SIK3: variants seen among roughly 807,000 people sequenced by gnomAD.
The protein encoded by SIK3 is serine/threonine-protein kinase SIK3.
A neutral mutation model predicts 144.2 loss-of-function variants in SIK3; 28 were observed. The observed-to-expected ratio is 0.19, with a 90% confidence interval of 0.14 to 0.27. SIK3 has a LOEUF of 0.27. Among genes scored for constraint, SIK3 ranks in the 10% least tolerant of loss-of-function variants. The pLI is 1.00. For missense variants in SIK3, 1,319 were observed against 1,776.0 expected, an observed-to-expected ratio of 0.74 and a Z score of 4.62; for synonymous variants, 686 against 676.3, an observed-to-expected ratio of 1.01 and a Z score of -0.22.
rs397848244 is a variant in SIK3 at position 117,009,232 on chromosome 11, CAA to C, written c.274-52170_274-52169del. On this transcript the variant is annotated intron_variant, in intron 1 of 24. Transcript: ENST00000445177. Reference sequence around the variant, plus strand: ...TGGGCGACAGAGTGAGACACTGTCTCAAAAAAAAAAAAAAAAAAATCTATGAT... The same window carrying C: ...TGGGCGACAGAGTGAGACACTGTCTCAAAAAAAAAAAAAAAAATCTATGAT... Among the ~76,000 whole-genome samples the C allele has an allele frequency of 5.0e-3, 389 of 78,438 alleles. 3 individuals carry two copies. Among genetic ancestry groups the C allele is most frequent in the African/African-American group, 0.014 (344 of 25,426 alleles). 51.5% of individuals were successfully genotyped at this position (78,438 alleles called of 152,430 possible).
chr11:117,074,296 C>T (rs991682005), intron 1 of SIK3, among the ~76,000 whole-genome samples: 1 of 152,154 alleles, frequency 6.6e-6, no homozygotes, highest in African/African-American at 2.4e-5. Context: ...CTCAAGCTTG[C>T]CCCACCTAGG....
At chr11:116,893,927 C>T (rs1226965615) in intron 6 of SIK3, 2 of 166,962 alleles carry the variant, frequency 1.2e-5, no homozygotes, top group African/African-American at 4.8e-5. Context: ...GCTTTTGCTC[C>T]TGTTCCTCTG....
chr11:116,945,692 C>G (rs1254980462), intron 3 of SIK3, among the ~76,000 whole-genome samples: 1 of 152,138 alleles, frequency 6.6e-6, no homozygotes, highest in Non-Finnish European at 1.5e-5. Context: ...AAACTCTAAA[C>G]AGGATCAGTC....
chr11:116,848,209 G>A (rs145730196), intron 22 of SIK3, among the ~76,000 whole-genome samples: 118,973 of 151,630 alleles, frequency 0.78, 47,346 homozygotes, highest in Non-Finnish European at 0.84. Context: ...ATACAAAAAA[G>A]GGTGGCGGGC....
At chr11:117,018,725 T>TTTTA (rs71714132) in intron 1 of SIK3, among the ~76,000 whole-genome samples, 47,525 of 151,112 alleles carry the variant, frequency 0.31, 8,449 homozygotes, top group African/African-American at 0.49. Context: ...TATTTATTTT[T>TTTTA]TTTTTTTGAA....
chr11:117,046,954 T>C (rs998832439), intron 1 of SIK3, among the ~76,000 whole-genome samples: 1 of 152,208 alleles, frequency 6.6e-6, no homozygotes, highest in African/African-American at 2.4e-5. Context: ...GGCAATCTGA[T>C]ATCCCCCATC....
chr11:116,912,571 C>T (rs181887349), intron 4 of SIK3, among the ~76,000 whole-genome samples: 12 of 152,296 alleles, frequency 7.9e-5, no homozygotes, highest in Non-Finnish European at 8.8e-5. Flanking sequence ...CTTTGAGCGA[C>T]GGACAACCCT....
intron 1 of SIK3, among the ~76,000 whole-genome samples, chr11:117,004,056 C>T (rs758263956): frequency 1.3e-5 from 2 of 152,136 alleles, no homozygotes; most frequent in African/African-American, 4.8e-5. Context: ...ATAAGATTCA[C>T]ATATATTAAA....
intron 1 of SIK3, among the ~76,000 whole-genome samples, chr11:116,991,779 T>C (rs1950507822): frequency 6.6e-6 from 1 of 152,162 alleles, no homozygotes; most frequent in African/African-American, 2.4e-5. Context: ...CAAACCACTA[T>C]ACACAGCTAG....
At chr11:117,007,055 C>T (rs988376680) in intron 1 of SIK3, among the ~76,000 whole-genome samples, 1 of 152,186 alleles carries the variant, frequency 6.6e-6, no homozygotes, top group African/African-American at 2.4e-5. Flanking sequence ...TGGACATGCT[C>T]GTGCTTACAG....
intron 1 of SIK3, among the ~76,000 whole-genome samples, chr11:116,976,970 G>T (rs1407494184): frequency 6.6e-6 from 1 of 152,108 alleles, no homozygotes; most frequent in Non-Finnish European, 1.5e-5. Context: ...TAATTAATGA[G>T]AATATATGTT....
rs778701255 is a variant in SIK3 at position 116,867,190 on chromosome 11, G to C, written c.1952+756C>G. Among the ~76,000 whole-genome samples the C allele has an allele frequency of 6.6e-5, 10 of 152,184 alleles. No individual in the cohort carries two copies. The highest frequency in any genetic ancestry group is 2.4e-4 in the African/African-American group (10 of 41,440). On this transcript the variant is annotated intron_variant, in intron 15 of 24. Transcript: ENST00000445177. This position sits in a 1 kb window ranked among gnomAD's most constrained non-coding sequence, Gnocchi z 4.1. The stretch of plus-strand genomic sequence containing the variant: ...CTAGTAACTGGTGGTGGCTTTGAAC[G>C]TGTGGGCCATGAGCTTGGGGATAGC...
chr11:116,975,502 T>G (rs1260063957), intron 1 of SIK3, among the ~76,000 whole-genome samples: 1 of 152,230 alleles, frequency 6.6e-6, no homozygotes, highest in Non-Finnish European at 1.5e-5. Context: ...CTTGGCATAA[T>G]GTTTTCAAGG....
At chr11:116,875,295 T>C (rs1426407377) in intron 10 of SIK3, 28 bp from the exon 11 acceptor site, 14 of 1,613,280 alleles carry the variant, frequency 8.7e-6, no homozygotes, top group Non-Finnish European at 1.2e-5. Context: ...ACCATCGAGT[T>C]AGAAATCAGA....
chr11:116,972,584 C>T (rs1347443220), intron 1 of SIK3, among the ~76,000 whole-genome samples: 1 of 152,084 alleles, frequency 6.6e-6, no homozygotes, highest in Non-Finnish European at 1.5e-5. Flanking sequence ...TTGGGTTAAA[C>T]TAACATTTGG....
Position 116,886,218 on chromosome 11 carries a change from A to G in SIK3, c.866-9176T>C, listed in dbSNP as rs139536162. 1.1e-4 allele frequency among the ~76,000 whole-genome samples: 17 copies of G among 152,346 alleles called. No homozygotes were observed. The East Asian group carries it at 1.3e-3, about 12-fold the overall frequency. ...TTTTCTGACATCAGCTGTGATTTCT[A>G]CATTCACTGACATGAAAGCACTACA... On this transcript the variant is annotated intron_variant, in intron 6 of 24. Transcript: ENST00000445177.
At chr11:116,848,829 G>A (rs1370405333) in intron 22 of SIK3, among the ~76,000 whole-genome samples, 2 of 152,164 alleles carry the variant, frequency 1.3e-5, no homozygotes, top group African/African-American at 4.8e-5. Context: ...CAGGTGTGGT[G>A]GCAGGCACCT....
At chr11:116,868,544 C>T (rs1336817159) in intron 14 of SIK3, among the ~76,000 whole-genome samples, 1 of 152,182 alleles carries the variant, frequency 6.6e-6, no homozygotes. Context: ...TCACAGGCCC[C>T]AGGTTTGAGA....
chr11:116,972,455 A>G (rs535137675), intron 1 of SIK3, among the ~76,000 whole-genome samples: 4 of 152,274 alleles, frequency 2.6e-5, no homozygotes, highest in Non-Finnish European at 4.4e-5. Flanking sequence ...CCTATCCTCC[A>G]ACTTCTTTCT....
Sources: gnomAD v4.1 joint callset for allele counts (sites outside exome capture counted in the v4.1 genomes callset) on GRCh38, gnomAD v4.1.1 for gene constraint, Gnocchi (gnomAD v3.1) non-coding constraint, MANE v1.5 for transcripts, NCBI Gene and HGNC (gene_info 2026-07-23, HGNC 2026-07-21) for gene names.